Variants in ZMAT4 observed in about 807,000 individuals in gnomAD.
ZMAT4 encodes zinc finger matrin-type 4.
In ZMAT4, 17 loss-of-function variants were observed where a neutral mutation model predicts 28.7. The ratio of observed to expected loss-of-function variants is 0.59; its 90% CI spans 0.41 to 0.89. The LOEUF is 0.89. Among genes scored for constraint, ZMAT4 ranks in the 40% least tolerant of loss-of-function variants. The probability of loss-of-function intolerance (pLI) is 0.00; values close to 1 mark genes in which losing one functional copy is unlikely to be tolerated. For synonymous variants in ZMAT4, 117 were observed against 109.2 expected (o/e 1.07, Z -0.44); for missense variants, 240 against 283.8 (o/e 0.85, Z 1.11).
At chr8:40,542,069 A>T (rs1009136717) in intron 6 of ZMAT4, among the ~76,000 whole-genome samples, 5 of 152,070 alleles carry the variant, frequency 3.3e-5, no homozygotes, top group Non-Finnish European at 7.4e-5. Context: ...GGGGGGAGGA[A>T]TGTGTGGTGG....
At chr8:40,794,410 A>G (rs1226207384) in intron 2 of ZMAT4, among the ~76,000 whole-genome samples, 2 of 152,168 alleles carry the variant, frequency 1.3e-5, no homozygotes, top group Non-Finnish European at 2.9e-5. Context: ...GCACCCAGAA[A>G]GGAAACACAC....
intron 6 of ZMAT4, among the ~76,000 whole-genome samples, chr8:40,570,673 C>T (rs922089568): frequency 1.3e-5 from 2 of 152,130 alleles, no homozygotes; most frequent in Non-Finnish European, 2.9e-5. Context: ...GCACTCTAGC[C>T]TGGGCAACAG....
At chr8:40,849,031 C>T (rs1227036519) in intron 1 of ZMAT4, among the ~76,000 whole-genome samples, 3 of 152,226 alleles carry the variant, frequency 2.0e-5, no homozygotes, top group Non-Finnish European at 4.4e-5. Flanking sequence ...TGCGGGAGGA[C>T]AAGCTGCTGT....
At chr8:40,638,059 G>A (rs1288185614) in intron 5 of ZMAT4, among the ~76,000 whole-genome samples, 1 of 152,210 alleles carries the variant, frequency 6.6e-6, no homozygotes, top group Non-Finnish European at 1.5e-5. Context: ...GTCGAAGCAA[G>A]ATCAGTAAAT....
intron 1 of ZMAT4, among the ~76,000 whole-genome samples, chr8:40,837,106 G>T (rs1231416193): frequency 6.6e-6 from 1 of 152,072 alleles, no homozygotes; most frequent in Non-Finnish European, 1.5e-5. Flanking sequence ...CCTTTCTCCT[G>T]GCCACAAAAG....
chr8:40,764,160 C>A (rs1027795397), intron 3 of ZMAT4, among the ~76,000 whole-genome samples: 7 of 152,114 alleles, frequency 4.6e-5, no homozygotes, highest in Non-Finnish European at 7.3e-5. Flanking sequence ...CTGTCTCTAA[C>A]GCTGGAGGGA....
At chr8:40,759,618 G>A (rs1264285553) in intron 3 of ZMAT4, among the ~76,000 whole-genome samples, 2 of 152,160 alleles carry the variant, frequency 1.3e-5, no homozygotes, top group African/African-American at 4.8e-5. Context: ...TTACCTTTCT[G>A]ACGTTTAAGC....
At chr8:40,890,133 T>C in intron 1 of ZMAT4, among the ~76,000 whole-genome samples, 1 of 152,364 alleles carries the variant, frequency 6.6e-6, no homozygotes, top group Middle Eastern at 3.4e-3. Flanking sequence ...ATGTGAACTG[T>C]CTATTCCCAT....
At chr8:40,711,432 C>T (rs1192648576) in intron 3 of ZMAT4, among the ~76,000 whole-genome samples, 1 of 152,162 alleles carries the variant, frequency 6.6e-6, no homozygotes, top group Non-Finnish European at 1.5e-5. Context: ...AAGAACTCAA[C>T]ACCATTTATA....
At chr8:40,558,972 A>G (rs1460349685) in intron 6 of ZMAT4, among the ~76,000 whole-genome samples, 2 of 152,238 alleles carry the variant, frequency 1.3e-5, no homozygotes, top group Non-Finnish European at 2.9e-5. Flanking sequence ...AGGCCATGCC[A>G]GAAAAGGGTT....
intron 3 of ZMAT4, among the ~76,000 whole-genome samples, chr8:40,729,766 T>A (rs887273394): frequency 6.6e-6 from 1 of 152,200 alleles, no homozygotes; most frequent in African/African-American, 2.4e-5. Context: ...ACCCAGCTAA[T>A]CTTTGTATTT....
intron 4 of ZMAT4, among the ~76,000 whole-genome samples, chr8:40,679,444 G>T (rs1809054478): frequency 6.6e-6 from 1 of 152,128 alleles, no homozygotes; most frequent in South Asian, 2.1e-4. Context: ...GTTCCACAGG[G>T]CTGGGGAGGC....
chr8:40,762,662 T>TA (rs889184900), intron 3 of ZMAT4, among the ~76,000 whole-genome samples: 39 of 150,794 alleles, frequency 2.6e-4, no homozygotes, highest in East Asian at 5.9e-4. Flanking sequence ...TCTCTAAAAA[T>TA]AAAAAAAACA....
chr8:40,563,963 G>A (rs1803833299), intron 6 of ZMAT4, among the ~76,000 whole-genome samples: 1 of 152,092 alleles, frequency 6.6e-6, no homozygotes. Flanking sequence ...TTTCCACCCA[G>A]TGGCTGAGGA....
chr8:40,678,219 A>G (rs1224519546), intron 4 of ZMAT4, among the ~76,000 whole-genome samples: 1 of 152,250 alleles, frequency 6.6e-6, no homozygotes, highest in African/African-American at 2.4e-5. Flanking sequence ...GCTGTAGGCA[A>G]TAGCCAAAAT....
chr8:40,704,299 C>T (rs1810264564), intron 3 of ZMAT4, among the ~76,000 whole-genome samples: 2 of 152,210 alleles, frequency 1.3e-5, no homozygotes, highest in South Asian at 4.1e-4. Context: ...TCCTGATTGA[C>T]TACAGGGTCC....
chr8:40,669,514 C>T (rs1248988548), intron 5 of ZMAT4, among the ~76,000 whole-genome samples: 1 of 151,790 alleles, frequency 6.6e-6, no homozygotes, highest in African/African-American at 2.4e-5. Flanking sequence ...CAGAACCAAC[C>T]CCTCCTCTTC....
intron 3 of ZMAT4, among the ~76,000 whole-genome samples, chr8:40,741,235 A>G (rs1266779225): frequency 6.6e-6 from 1 of 152,174 alleles, no homozygotes; most frequent in Non-Finnish European, 1.5e-5. Context: ...ACCTGAGGTC[A>G]GGAGTCCAAG....
intron 5 of ZMAT4, among the ~76,000 whole-genome samples, chr8:40,599,655 C>A (rs1485384785): frequency 6.6e-6 from 1 of 152,214 alleles, no homozygotes; most frequent in Non-Finnish European, 1.5e-5. Flanking sequence ...ACAAGAGCTG[C>A]GGAAGCAGAT....
Sources: allele counts gnomAD v4.1 joint callset (sites outside exome capture counted in the v4.1 genomes callset), GRCh38; gene constraint gnomAD v4.1.1; transcripts MANE v1.5; gene names NCBI Gene and HGNC (gene_info 2026-07-23, HGNC 2026-07-21).